The following PIK3C2B variants were observed in gnomAD, a reference collection of about 807,000 sequenced individuals.
The protein encoded by PIK3C2B is phosphatidylinositol 4-phosphate 3-kinase C2 domain-containing subunit beta.
In PIK3C2B, 83 loss-of-function variants were observed where a neutral mutation model predicts 184.3. That is an observed-to-expected ratio of 0.45 (90% CI 0.38 to 0.54). The LOEUF (loss-of-function observed/expected upper bound fraction) is 0.54. Among genes scored for constraint, PIK3C2B ranks in the 20% least tolerant of loss-of-function variants. The probability of loss-of-function intolerance (pLI) is 0.00; values close to 1 mark genes in which losing one functional copy is unlikely to be tolerated. For synonymous variants in PIK3C2B, 779 were observed against 837.6 expected (o/e 0.93, Z 1.21); for missense variants, 1,736 against 2,113.5 (o/e 0.82, Z 3.50).
At chr1:204,474,456 G>A (rs1238435199) in intron 1 of PIK3C2B, among the ~76,000 whole-genome samples, 2 of 152,168 alleles carry the variant, frequency 1.3e-5, no homozygotes, top group African/African-American at 4.8e-5. Context: ...CAGCAACAAT[G>A]CCTGGGCTGC....
At position 204,469,685 on chromosome 1, in the gene PIK3C2B, G is replaced by A. The variant is rs1656133775; in HGVS notation, c.118C>T (p.Leu40Phe). ...CTGTTCTCCTCCTTGTCATGCCGGA[G>A]CCGGGACAGGGCATCATACTCCATC... ...LQMEYDALSR[L>F]RHDKEENRAK... Residue 40 changes from leucine to phenylalanine, a missense_variant, in exon 2 of 33, where the codon CTC (leucine) becomes TTC (phenylalanine). Transcript: ENST00000684373. 1 of 1,614,118 alleles carries A rather than the reference G, an allele frequency of 6.2e-7. No homozygotes were observed. Among genetic ancestry groups the A allele is most frequent in the Non-Finnish European group, 8.5e-7 (1 of 1,180,006 alleles).
In PIK3C2B at chr1:204,460,211, C is replaced by T. The variant is rs1054088138; in HGVS notation, c.1502+113G>A. On this transcript the variant is annotated intron_variant, in intron 7 of 32. Transcript: ENST00000684373. Reference sequence around the variant, plus strand: ...TCTGATAAGATGTGTGGGCCCCAACCCCTGACACCTGCAAGAATCCCTTAG... The same window carrying T: ...TCTGATAAGATGTGTGGGCCCCAACTCCTGACACCTGCAAGAATCCCTTAG... The T allele has an allele frequency of 4.7e-6, 4 of 860,126 alleles. No individual in the cohort carries two copies. The African/African-American group carries it at 5.0e-5, about 11-fold the overall frequency. 53.3% of individuals were successfully genotyped at this position (860,126 alleles called of 1,614,324 possible).
intron 5 of PIK3C2B, among the ~76,000 whole-genome samples, chr1:204,462,738 C>G (rs1378413732): frequency 6.6e-6 from 1 of 152,144 alleles, no homozygotes; most frequent in African/African-American, 2.4e-5. Flanking sequence ...AGAAAGGACC[C>G]CACAATATCC....
At chr1:204,441,960 GA>G (rs1675687896) in intron 20 of PIK3C2B, among the ~76,000 whole-genome samples, 1 of 152,130 alleles carries the variant, frequency 6.6e-6, no homozygotes, top group Admixed American at 6.6e-5. Context: ...TAAGCACTCA[GA>G]ACAGGGCCGG....
chr1:204,445,776 A>G (rs960972375), intron 16 of PIK3C2B, among the ~76,000 whole-genome samples, 180 bp downstream of exon 16: 4 of 152,204 alleles, frequency 2.6e-5, no homozygotes, highest in Admixed American at 6.5e-5. Context: ...TTGAAAAATG[A>G]CAATATAACA....
At chr1:204,461,182 G>A (rs939227439) in intron 5 of PIK3C2B, among the ~76,000 whole-genome samples, 1 of 152,180 alleles carries the variant, frequency 6.6e-6, no homozygotes, top group African/African-American at 2.4e-5. Flanking sequence ...CCAGATCAGT[G>A]TCCCCACCCA....
In PIK3C2B at chr1:204,433,653, C is replaced by T. The variant is rs1675190121; in HGVS notation, c.3843+140G>A. On this transcript the variant is annotated intron_variant, in intron 25 of 32. Transcript: ENST00000684373. The surrounding 1 kb of genome is among the most constrained non-coding windows in gnomAD (Gnocchi z 5.0). ...GTCCTCAGGTAGTCTGGGTCCCTGC[C>T]TTTATCTAGGGCAGGCAGGTATTCA... 1.1e-6 allele frequency: 1 copy of T among 876,962 alleles called. No homozygotes were observed. Among genetic ancestry groups the T allele is most frequent in the Non-Finnish European group, 1.8e-6 (1 of 546,794 alleles). The allele number at this position is 876,962 out of a possible 1,614,324, so 54.3% of individuals were successfully genotyped here.
chr1:204,490,838 T>C (rs1360923857), intron 1 of PIK3C2B, among the ~76,000 whole-genome samples: 1 of 151,592 alleles, frequency 6.6e-6, no homozygotes, highest in Non-Finnish European at 1.5e-5. Context: ...AAAGCAGATA[T>C]GAAAATACCA....
At chr1:204,454,434 A>G (rs1223748349) in intron 12 of PIK3C2B, 1 of 364,500 alleles carries the variant, frequency 2.7e-6, no homozygotes, top group African/African-American at 2.2e-5. Context: ...GTGAGCCGAG[A>G]TCGCACCACT....
chr1:204,484,405 T>C (rs1657424462), intron 1 of PIK3C2B, among the ~76,000 whole-genome samples: 1 of 152,108 alleles, frequency 6.6e-6, no homozygotes, highest in South Asian at 2.1e-4. Flanking sequence ...CTTTTTCCCA[T>C]CCTGTTGTGG....
chr1:204,442,619 C>T lies in PIK3C2B; in HGVS notation c.3063G>A (p.Thr1021=), dbSNP rs756141756. The change falls in exon 20 of 33, where the codon ACG becomes ACA. Residue 1021 remains threonine (T), a synonymous_variant. Transcript: ENST00000684373. ...APSARQGILR[T]GLEEVKQFFA... is the part of the protein sequence containing the mutation. ...AGAACTGCTTCACCTCCTCCAGGCCCGTGCGGAGGATTCCCTGGAAAGAAG... is the reference window on the plus strand; with the variant it reads ...AGAACTGCTTCACCTCCTCCAGGCCTGTGCGGAGGATTCCCTGGAAAGAAG... 3.5e-5 allele frequency: 54 copies of T among 1,550,552 alleles called. No individual in the cohort carries two copies. The highest frequency in any genetic ancestry group is 1.5e-4 in the South Asian group (13 of 84,066).
At chr1:204,450,260 G>A (rs1464024104) in intron 12 of PIK3C2B, 4 of 421,584 alleles carry the variant, frequency 9.5e-6, no homozygotes, top group Admixed American at 8.0e-5. Context: ...AGAGTGAGGC[G>A]AACATCCCGA....
chr1:204,435,173 A>G (rs1253839464), intron 23 of PIK3C2B, among the ~76,000 whole-genome samples: 2 of 152,142 alleles, frequency 1.3e-5, no homozygotes, highest in African/African-American at 4.8e-5. Flanking sequence ...GAGCTGAGGC[A>G]GCTTAACACG....
chr1:204,466,865 T>C (rs1397622692), intron 2 of PIK3C2B: 1 of 533,036 alleles, frequency 1.9e-6, no homozygotes, highest in Admixed American at 1.9e-5. Context: ...AGGCTGGCAT[T>C]TGGAGCCAGC....
chr1:204,489,268 A>G (rs1440926718), intron 1 of PIK3C2B, among the ~76,000 whole-genome samples: 1 of 152,152 alleles, frequency 6.6e-6, no homozygotes, highest in Non-Finnish European at 1.5e-5. Context: ...CCTGGGCTCA[A>G]AAGATCCTCC....
Position 204,469,877 on chromosome 1 carries a change from G to T in PIK3C2B, c.-75C>A. 1.0e-6 allele frequency: 1 copy of T among 956,092 alleles called. No homozygotes were observed. Among genetic ancestry groups the T allele is most frequent in the Non-Finnish European group, 1.7e-6 (1 of 605,794 alleles). 59.2% of individuals were successfully genotyped at this position (956,092 alleles called of 1,614,324 possible). On this transcript the variant is annotated 5_prime_UTR_variant, in exon 2 of 33. Coordinates refer to ENST00000684373, the MANE Select transcript of PIK3C2B (RefSeq NM_001377334.1). Reference sequence around the variant, plus strand: ...CAGTTCTGGAGGGTTGTGACATGGTGTCTGGGCGCCTGCAGGTGAGGGGTA... The same window carrying T: ...CAGTTCTGGAGGGTTGTGACATGGTTTCTGGGCGCCTGCAGGTGAGGGGTA...
At position 204,433,758 on chromosome 1, in the gene PIK3C2B, G is replaced by C; in HGVS notation, c.3843+35C>G. On this transcript the variant is annotated intron_variant, in intron 25 of 32. Transcript: ENST00000684373. The surrounding 1 kb of genome is among the most constrained non-coding windows in gnomAD (Gnocchi z 5.0). ...TCTTAAAGATGATGCCAGATAATAA[G>C]AAGAAGGTATTCGGAAAGGGATGGA... 1 of 1,593,974 alleles carries C rather than the reference G, an allele frequency of 6.3e-7. No homozygotes were observed.
At chr1:204,480,554 A>C (rs1206166105) in intron 1 of PIK3C2B, among the ~76,000 whole-genome samples, 1 of 152,102 alleles carries the variant, frequency 6.6e-6, no homozygotes, top group Non-Finnish European at 1.5e-5. Flanking sequence ...CAGTACCCAG[A>C]AGGATCACAC....
At chr1:204,460,457 C>T in intron 6 of PIK3C2B, 54 bp from the exon 7 acceptor site, 1 of 1,541,736 alleles carries the variant, frequency 6.5e-7, no homozygotes, top group African/African-American at 1.4e-5. Context: ...CTCAGCTCAG[C>T]ACTCCTACCC....
Sources: gnomAD v4.1 joint callset for allele counts (sites outside exome capture counted in the v4.1 genomes callset) on GRCh38, gnomAD v4.1.1 for gene constraint, Gnocchi (gnomAD v3.1) non-coding constraint, MANE v1.5 for transcripts, NCBI Gene and HGNC (gene_info 2026-07-23, HGNC 2026-07-21) for gene names.